The following CDC25C variants were observed in gnomAD, a reference collection of about 807,000 sequenced individuals.
CDC25C encodes M-phase inducer phosphatase 3.
In CDC25C, 48 loss-of-function variants were observed where a neutral mutation model predicts 52.5. The ratio of observed to expected loss-of-function variants is 0.91; its 90% CI spans 0.72 to 1.16. The LOEUF (loss-of-function observed/expected upper bound fraction) is 1.16. Among genes scored for constraint, CDC25C ranks in the 50% most tolerant of loss-of-function variants. CDC25C has a pLI of 0.00. For synonymous variants in CDC25C, 187 were observed against 206.5 expected, an observed-to-expected ratio of 0.91 and a Z score of 0.81; for missense variants, 510 against 566.1, an observed-to-expected ratio of 0.90 and a Z score of 1.01.
exon 1 of CDC25C, chr5:138,338,322 G>A (rs1216253729): frequency 6.1e-6 from 3 of 492,148 alleles, no homozygotes; most frequent in South Asian, 1.6e-5. Flanking sequence ...GTGGTGGAGG[G>A]CAGGTGGCGC....
upstream of CDC25C, chr5:138,331,998 G>A (rs1760433115): frequency 1.3e-6 from 1 of 760,748 alleles, no homozygotes; most frequent in African/African-American, 1.9e-5. Context: ...CATAGCCAGA[G>A]CAGGATAGTG....
chr5:138,338,133 C>G (rs1309699541), exon 1 of CDC25C: 1 of 1,289,700 alleles, frequency 7.8e-7, no homozygotes, highest in Non-Finnish European at 1.0e-6. Flanking sequence ...GAGAGAGACA[C>G]GACACGGAGC....
intron 9 of CDC25C, 99 bp downstream of exon 9, chr5:138,290,540 G>T (rs1412480981): frequency 2.8e-6 from 2 of 720,590 alleles, no homozygotes; most frequent in Non-Finnish European, 5.1e-6. Flanking sequence ...AAGAGTACTT[G>T]GTGAGGATGC....
intron 7 of CDC25C, among the ~76,000 whole-genome samples, chr5:138,304,272 C>T (rs1277419076): frequency 6.8e-6 from 1 of 147,272 alleles, no homozygotes; most frequent in Non-Finnish European, 1.5e-5. Context: ...GGGCTCAAGC[C>T]ATCCTCCCAC....
chr5:138,299,351 C>T (rs1272583913), intron 7 of CDC25C, among the ~76,000 whole-genome samples: 1 of 150,906 alleles, frequency 6.6e-6, no homozygotes, highest in Non-Finnish European at 1.5e-5. Context: ...CAAAAATTAG[C>T]CAGGCGTGGT....
upstream of CDC25C, chr5:138,333,771 G>A (rs991911636): frequency 6.6e-6 from 1 of 152,128 alleles, no homozygotes; most frequent in African/African-American, 2.4e-5. Flanking sequence ...CACAACAAAG[G>A]TGTCAGCCAA....
intron 8 of CDC25C, among the ~76,000 whole-genome samples, chr5:138,291,708 T>C (rs959877515): frequency 1.3e-5 from 2 of 151,730 alleles, no homozygotes; most frequent in Non-Finnish European, 2.9e-5. Context: ...CGTGAGCCAC[T>C]GCACCCGGCC....
chr5:138,322,250 C>A (rs1269419135), intron 6 of CDC25C, among the ~76,000 whole-genome samples: 1 of 150,720 alleles, frequency 6.6e-6, no homozygotes, highest in African/African-American at 2.4e-5. Flanking sequence ...ATCCGCCTGC[C>A]TCGGCCTCCC....
rs751650357 is a variant in CDC25C, at chr5:138,325,825, T to G, written c.449A>C (p.Asn150Thr). 26 of 1,610,906 alleles carry G rather than the reference T, an allele frequency of 1.6e-5. No homozygotes were observed. In the South Asian group the frequency reaches 2.6e-4, roughly 16 times the overall value. Residue 150 changes from asparagine (N) to threonine (T), a missense_variant, in exon 6 of 14, where the codon AAT becomes ACT. Transcript: ENST00000323760. ...KRDAMCSSSA[N>T]KENDNGNLVD... Reference sequence around the variant, plus strand: ...CCATTAAACACTCACATTTTCTTTATTTGCAGATGAACTACACATTGCATC... The same window carrying G: ...CCATTAAACACTCACATTTTCTTTAGTTGCAGATGAACTACACATTGCATC...
chr5:138,325,665 C>A, intron 6 of CDC25C, 150 bp downstream of exon 6: 2 of 622,850 alleles, frequency 3.2e-6, no homozygotes, highest in South Asian at 2.1e-5. Context: ...TAAGAAAAAA[C>A]AAAAACAAAG....
chr5:138,287,475 T>C (rs978469362), intron 10 of CDC25C, among the ~76,000 whole-genome samples: 1 of 152,088 alleles, frequency 6.6e-6, no homozygotes, highest in Non-Finnish European at 1.5e-5. Flanking sequence ...AGAACCAAAA[T>C]AGCTGGCACT....
intron 2 of CDC25C, among the ~76,000 whole-genome samples, chr5:138,330,706 G>T (rs1241111924): frequency 6.6e-6 from 1 of 152,132 alleles, no homozygotes; most frequent in Non-Finnish European, 1.5e-5. Context: ...ACGGCGTCTT[G>T]CCATGTTGCC....
upstream of CDC25C, among the ~76,000 whole-genome samples, chr5:138,336,533 T>C (rs1028704848): frequency 1.3e-5 from 2 of 151,990 alleles, no homozygotes; most frequent in African/African-American, 4.8e-5. Flanking sequence ...AAAATAGAAA[T>C]AAATATGCTG....
chr5:138,336,001 C>T (rs1179997418), upstream of CDC25C, among the ~76,000 whole-genome samples: 3 of 151,932 alleles, frequency 2.0e-5, no homozygotes, highest in East Asian at 5.8e-4. Context: ...ACTTCTTGGG[C>T]TGTTTCATTT....
Position 138,319,303 on chromosome 5 carries a change from A to G in CDC25C, c.531T>C (p.Asp177=), listed in dbSNP as rs761175640. 1.6e-5 allele frequency: 26 copies of G among 1,613,526 alleles called. No homozygotes were observed. In the East Asian group the frequency reaches 5.1e-4, roughly 32 times the overall value. The change falls in exon 7 of 14, where the codon GAT becomes GAC. Residue 177 remains aspartate (D), a synonymous_variant. Transcript: ENST00000323760. ...GSPITTVPKL[D]KNPNLGEDQA... ...GGTCTTCTCCTAGGTTTGGATTTTTATCCAATTTTGGAACAGTAGTAATGG... is the reference window on the plus strand; with the variant it reads ...GGTCTTCTCCTAGGTTTGGATTTTTGTCCAATTTTGGAACAGTAGTAATGG...
At chr5:138,318,306 C>A (rs553742645) in intron 7 of CDC25C, among the ~76,000 whole-genome samples, 1 of 152,192 alleles carries the variant, frequency 6.6e-6, no homozygotes, top group South Asian at 2.1e-4. Flanking sequence ...CAGCAAGACT[C>A]CATCTCAAAA....
chr5:138,320,452 T>C (rs1460416942), intron 6 of CDC25C, among the ~76,000 whole-genome samples: 1 of 152,072 alleles, frequency 6.6e-6, no homozygotes, highest in African/African-American at 2.4e-5. Flanking sequence ...AAACAAAATA[T>C]GATATATACA....
At chr5:138,338,271 T>A in exon 1 of CDC25C, 14 of 962,146 alleles carry the variant, frequency 1.5e-5, no homozygotes, top group Non-Finnish European at 2.0e-5. Context: ...CGCTCAGAGC[T>A]GCTCCGGCCG....
upstream of CDC25C, among the ~76,000 whole-genome samples, chr5:138,334,486 G>A (rs866033374): frequency 2.6e-5 from 4 of 152,016 alleles, no homozygotes; most frequent in African/African-American, 9.7e-5. Context: ...TGAGTAGCTG[G>A]GATTACAGGC....
Sources: gnomAD v4.1 joint callset for allele counts (sites outside exome capture counted in the v4.1 genomes callset) on GRCh38, gnomAD v4.1.1 for gene constraint, MANE v1.5 for transcripts, NCBI Gene and HGNC (gene_info 2026-07-23, HGNC 2026-07-21) for gene names.